ATG4B: variants seen among roughly 807,000 people sequenced by gnomAD.
ATG4B encodes the protein autophagy related 4B cysteine peptidase, also known as cysteine protease ATG4B.
In ATG4B, 29 loss-of-function variants were observed where a neutral mutation model predicts 56.6. The observed-to-expected ratio is 0.51, with a 90% confidence interval of 0.38 to 0.70. The LOEUF is 0.70. ATG4B is among the 30% of genes least tolerant of loss of function. ATG4B has a pLI of 0.00. For missense variants in ATG4B, 461 were observed against 515.5 expected, an observed-to-expected ratio of 0.89 and a Z score of 1.02; for synonymous variants, 224 against 206.1, an observed-to-expected ratio of 1.09 and a Z score of -0.74.
intron 7 of ATG4B, among the ~76,000 whole-genome samples, chr2:241,665,746 G>A (rs1390966456): frequency 1.3e-5 from 2 of 152,248 alleles, no homozygotes; most frequent in Non-Finnish European, 2.9e-5. Context: ...CTGGTGAGCT[G>A]TGTGACTCCT....
In ATG4B at chr2:241,672,251, T is replaced by C; in HGVS notation, c.1169T>C (p.Ile390Thr). The change falls in exon 13 of 13, where the codon ATC (isoleucine) becomes ACC (threonine). Residue 390 changes from isoleucine to threonine, a missense_variant. By Grantham distance (89) the Ile-to-Thr change is moderately conservative. Coordinates refer to ENST00000404914, the MANE Select transcript of ATG4B (RefSeq NM_013325.5). The part of the protein sequence containing the change: ...FFDSEDEDFE[I>T]LSL ...GACTCAGAAGATGAAGACTTTGAAA[T>C]CCTGTCCCTTTGAAAATCCTGGGGT... 1 of 1,579,518 alleles carries C rather than the reference T, an allele frequency of 6.3e-7. No homozygotes were observed. The highest frequency in any genetic ancestry group is 8.6e-7 in the Non-Finnish European group (1 of 1,162,310).
intron 6 of ATG4B, among the ~76,000 whole-genome samples, chr2:241,658,305 T>TG (rs970576258): frequency 1.7e-5 from 2 of 115,936 alleles, no homozygotes; most frequent in African/African-American, 6.7e-5. Flanking sequence ...AGGAGGAAGG[T>TG]GGTGGGGCAG....
chr2:241,641,713 G>GAGCT (rs1288146909), intron 1 of ATG4B, among the ~76,000 whole-genome samples: 1 of 152,164 alleles, frequency 6.6e-6, no homozygotes, highest in Non-Finnish European at 1.5e-5. Context: ...TACAGGTTTG[G>GAGCT]AGCTAAAAGA....
At chr2:241,661,764 C>T (rs1402855149) in intron 7 of ATG4B, among the ~76,000 whole-genome samples, 2 of 151,960 alleles carry the variant, frequency 1.3e-5, no homozygotes, top group Non-Finnish European at 2.9e-5. Context: ...CCCCCCGCAA[C>T]TCATCCTTCT....
chr2:241,648,914 G>A (rs998454948), intron 1 of ATG4B, among the ~76,000 whole-genome samples: 4 of 152,212 alleles, frequency 2.6e-5, no homozygotes, highest in Non-Finnish European at 4.4e-5. Context: ...TAAAATTTGT[G>A]TGCCTTTGAC....
chr2:241,651,013 C>T lies in ATG4B; in HGVS notation c.14C>T (p.Thr5Ile). Residue 5 changes from threonine to isoleucine, a missense_variant, in exon 2 of 13, where the codon ACT (threonine) becomes ATT (isoleucine). Thr to Ile is a moderately conservative substitution (Grantham distance 89). Coordinates refer to ENST00000404914, the MANE Select transcript of ATG4B (RefSeq NM_013325.5). This position sits in a 1 kb window ranked among gnomAD's most constrained non-coding sequence, Gnocchi z 4.1. ...TGTGCATCTTTGGTTTCAACAGCTA[C>T]TCTGACCTACGACACTCTCCGGTTT... Reference protein sequence around the residue: MDAATLTYDTLRFAE... With the variant: MDAAILTYDTLRFAE... The T allele has an allele frequency of 1.9e-6, 3 of 1,613,256 alleles. No homozygotes were observed. Among genetic ancestry groups the T allele is most frequent in the East Asian group, 2.2e-5 (1 of 44,888 alleles).
At chr2:241,661,214 A>G (rs2068583764) in intron 7 of ATG4B, among the ~76,000 whole-genome samples, 1 of 152,212 alleles carries the variant, frequency 6.6e-6, no homozygotes, top group Admixed American at 6.5e-5. Context: ...TCACTGCGTC[A>G]GCTGCCTGAA....
chr2:241,668,415 C>T lies in ATG4B; in HGVS notation c.812-125C>T. 1.4e-6 allele frequency: 2 copies of T among 1,443,692 alleles called. No homozygotes were observed. The highest frequency in any genetic ancestry group is 1.9e-6 in the Non-Finnish European group (2 of 1,059,012). The allele number at this position is 1,443,692 out of a possible 1,614,324, so 89.4% of individuals were successfully genotyped here. On this transcript the variant is annotated intron_variant, in intron 9 of 12. Transcript: ENST00000404914. This position sits in a 1 kb window ranked among gnomAD's most constrained non-coding sequence, Gnocchi z 4.2. The stretch of plus-strand genomic sequence containing the variant: ...CTGATGGTCTGGTGCCCTCGGCTCC[C>T]TCCCCACCTCCTGCCCACTGCTTCT...
Position 241,668,529 on chromosome 2 carries a change from C to A in ATG4B, c.812-11C>A. 6.2e-7 allele frequency: 1 copy of A among 1,606,724 alleles called. No individual in the cohort carries two copies. The highest frequency in any genetic ancestry group is 2.2e-5 in the East Asian group (1 of 44,688). ...CGGCCACCCACCTGCCCACCTGCCTCATCCTCCCAGGTGAGGAGCTCATCT... is the reference window on the plus strand; with the variant it reads ...CGGCCACCCACCTGCCCACCTGCCTAATCCTCCCAGGTGAGGAGCTCATCT... On this transcript the variant is annotated splice_polypyrimidine_tract_variant and intron_variant, in intron 9 of 12. Coordinates refer to ENST00000404914, the MANE Select transcript of ATG4B (RefSeq NM_013325.5). The surrounding 1 kb of genome is among the most constrained non-coding windows in gnomAD (Gnocchi z 4.2).
At chr2:241,658,014 C>T (rs2068462482) in intron 6 of ATG4B, among the ~76,000 whole-genome samples, 1 of 152,132 alleles carries the variant, frequency 6.6e-6, no homozygotes, top group Admixed American at 6.5e-5. Context: ...TGCCCAGGTA[C>T]CCTTTGGCAC....
intron 1 of ATG4B, 122 bp downstream of exon 1, chr2:241,637,846 C>T (rs2067718544): frequency 5.6e-6 from 5 of 891,850 alleles, no homozygotes; most frequent in East Asian, 1.2e-4. Flanking sequence ...CAGGCTGGGC[C>T]GGGGCGGCGG....
At chr2:241,646,513 T>A (rs950072802) in intron 1 of ATG4B, among the ~76,000 whole-genome samples, 2 of 152,216 alleles carry the variant, frequency 1.3e-5, no homozygotes, top group African/African-American at 2.4e-5. Context: ...TTTACGATAG[T>A]GTGAAAGCAG....
chr2:241,654,250 A>G (rs1036087599), intron 4 of ATG4B, among the ~76,000 whole-genome samples: 3 of 151,812 alleles, frequency 2.0e-5, no homozygotes, highest in African/African-American at 2.4e-5. Context: ...GTGAAACCCC[A>G]TCTCTACTAA....
chr2:241,647,330 C>T (rs371478327), intron 1 of ATG4B, among the ~76,000 whole-genome samples: 8 of 151,866 alleles, frequency 5.3e-5, no homozygotes, highest in African/African-American at 9.7e-5. Context: ...GAAATTAGAC[C>T]GGTGGTGGCC....
chr2:241,654,318 G>A (rs1269585583), intron 4 of ATG4B, among the ~76,000 whole-genome samples: 1 of 151,602 alleles, frequency 6.6e-6, no homozygotes, highest in South Asian at 2.1e-4. Context: ...CTACTCGGGA[G>A]GCTGAAGCAG....
chr2:241,641,644 T>G (rs2067894534), intron 1 of ATG4B, among the ~76,000 whole-genome samples: 1 of 152,036 alleles, frequency 6.6e-6, no homozygotes, highest in African/African-American at 2.4e-5. Flanking sequence ...TTATGTGTGT[T>G]GAATGTGAGG....
intron 1 of ATG4B, among the ~76,000 whole-genome samples, chr2:241,643,536 C>A (rs536169865): frequency 5.3e-4 from 79 of 149,410 alleles, no homozygotes; most frequent in African/African-American, 1.9e-3. Context: ...AAATTAATAT[C>A]ATTACCTGGA....
chr2:241,667,104 G>A (rs2068802683), intron 8 of ATG4B, among the ~76,000 whole-genome samples: 1 of 152,174 alleles, frequency 6.6e-6, no homozygotes, highest in African/African-American at 2.4e-5. Flanking sequence ...CTTGGAACCA[G>A]GTGCCACTCC....
At position 241,655,662 on chromosome 2, in the gene ATG4B, G is replaced by A. The variant is rs559092219; in HGVS notation, c.458+319G>A. ...GTCTGCAGCCATCTGTGCGGGTGCCGGGCCCTTCCACCTCTGCAGGCTTGT... is the reference window on the plus strand; with the variant it reads ...GTCTGCAGCCATCTGTGCGGGTGCCAGGCCCTTCCACCTCTGCAGGCTTGT... On this transcript the variant is annotated intron_variant, in intron 6 of 12. Transcript: ENST00000404914. Among the ~76,000 whole-genome samples the A allele has an allele frequency of 3.4e-4, 51 of 152,222 alleles. 1 individual carries two copies. The highest frequency in any genetic ancestry group is 3.4e-3 in the Middle Eastern group (1 of 294).
Sources: allele counts gnomAD v4.1 joint callset (sites outside exome capture counted in the v4.1 genomes callset), GRCh38; gene constraint gnomAD v4.1.1; non-coding constraint Gnocchi (gnomAD v3.1); transcripts MANE v1.5; gene names NCBI Gene and HGNC (gene_info 2026-07-23, HGNC 2026-07-21).